SUPT3H: variants seen among roughly 807,000 people sequenced by gnomAD.
The protein encoded by SUPT3H is transcription initiation protein SPT3 homolog.
Under a neutral mutation model 44.3 loss-of-function variants are expected in SUPT3H, and 44 were observed. The observed-to-expected ratio is 0.99, with a 90% CI of 0.78 to 1.28. The LOEUF is 1.28. Ranked by LOEUF, SUPT3H falls within the 50% of genes most tolerant of loss-of-function variation. SUPT3H has a pLI of 0.00. For synonymous variants in SUPT3H, 124 were observed against 125.6 expected, an observed-to-expected ratio of 0.99 and a Z score of 0.09; for missense variants, 380 against 387.1, an observed-to-expected ratio of 0.98 and a Z score of 0.15.
intron 7 of SUPT3H, among the ~76,000 whole-genome samples, chr6:44,960,572 CCTTT>C (rs1775887086): frequency 6.6e-6 from 1 of 151,906 alleles, no homozygotes; most frequent in South Asian, 2.1e-4. Context: ...TATGTCTGTT[CCTTT>C]AAGTGAATTA....
At chr6:45,047,826 G>A (rs1414074692) in intron 3 of SUPT3H, among the ~76,000 whole-genome samples, 1 of 151,820 alleles carries the variant, frequency 6.6e-6, no homozygotes, top group Non-Finnish European at 1.5e-5. Flanking sequence ...GTTTTAATTT[G>A]CATTTCTCTG....
At chr6:45,362,843 GT>G (rs141246778) in intron 2 of SUPT3H, among the ~76,000 whole-genome samples, 3 of 151,800 alleles carry the variant, frequency 2.0e-5, no homozygotes, top group Admixed American at 2.0e-4. Flanking sequence ...TTTTTTCTCA[GT>G]TTTTTTAAAA....
intron 3 of SUPT3H, among the ~76,000 whole-genome samples, chr6:45,027,369 G>A (rs1415907411): frequency 2.0e-5 from 3 of 151,980 alleles, no homozygotes; most frequent in Non-Finnish European, 4.4e-5. Flanking sequence ...TTTCAGCAAA[G>A]CATATTATCT....
chr6:45,317,227 C>CAAAAAAAAAA (rs70996324), intron 2 of SUPT3H, among the ~76,000 whole-genome samples: 1 of 36,084 alleles, frequency 2.8e-5, no homozygotes, highest in Non-Finnish European at 4.8e-5. Context: ...GACTCTGTCT[C>CAAAAAAAAAA]AAAAAAAAAA....
At chr6:44,995,368 T>C (rs1781136898) in intron 6 of SUPT3H, among the ~76,000 whole-genome samples, 1 of 152,048 alleles carries the variant, frequency 6.6e-6, no homozygotes, top group Admixed American at 6.6e-5. Flanking sequence ...TAAAGATCTA[T>C]TTTATTCCCT....
At chr6:44,860,263 C>T (rs1183625230) in intron 10 of SUPT3H, among the ~76,000 whole-genome samples, 18 of 152,156 alleles carry the variant, frequency 1.2e-4, no homozygotes, top group Non-Finnish European at 2.6e-4. Flanking sequence ...TGAGTAAATG[C>T]CCACTTTTGC....
intron 6 of SUPT3H, among the ~76,000 whole-genome samples, chr6:45,002,019 T>C (rs1782073600): frequency 6.6e-6 from 1 of 152,104 alleles, no homozygotes; most frequent in South Asian, 2.1e-4. Flanking sequence ...TCTGTTATGT[T>C]GGCCAGAGAA....
intron 5 of SUPT3H, among the ~76,000 whole-genome samples, chr6:45,011,472 T>C (rs1783478084): frequency 6.6e-6 from 1 of 152,112 alleles, no homozygotes; most frequent in Non-Finnish European, 1.5e-5. Context: ...TTGCCACTTC[T>C]GGTTCTTTTC....
intron 4 of SUPT3H, among the ~76,000 whole-genome samples, chr6:45,018,323 T>C (rs1051152979): frequency 6.6e-6 from 1 of 151,866 alleles, no homozygotes; most frequent in Admixed American, 6.6e-5. Flanking sequence ...CTTTTCCTAA[T>C]TGAATACCCT....
intron 10 of SUPT3H, among the ~76,000 whole-genome samples, chr6:44,838,074 T>C (rs574094497): frequency 6.6e-6 from 1 of 152,248 alleles, no homozygotes; most frequent in Non-Finnish European, 1.5e-5. Flanking sequence ...ATTAAGGTCT[T>C]TAAGAATTCT....
chr6:45,188,087 C>T (rs961637857), intron 2 of SUPT3H, among the ~76,000 whole-genome samples: 3 of 152,238 alleles, frequency 2.0e-5, no homozygotes, highest in Admixed American at 6.5e-5. Context: ...AGTCACTTTG[C>T]TGCCTTCTAA....
At chr6:44,962,795 A>G (rs1776217463) in intron 6 of SUPT3H, among the ~76,000 whole-genome samples, 1 of 152,108 alleles carries the variant, frequency 6.6e-6, no homozygotes, top group Admixed American at 6.5e-5. Context: ...TTAATAGAGA[A>G]TATAGATGGG....
chr6:45,018,936 T>C (rs1457170478), intron 4 of SUPT3H, among the ~76,000 whole-genome samples: 2 of 152,170 alleles, frequency 1.3e-5, no homozygotes, highest in African/African-American at 4.8e-5. Flanking sequence ...CAGTTCCTCC[T>C]TGTACCTCTG....
intron 5 of SUPT3H, among the ~76,000 whole-genome samples, chr6:45,005,584 A>G (rs965068505): frequency 2.6e-5 from 4 of 151,400 alleles, no homozygotes; most frequent in African/African-American, 9.7e-5. Flanking sequence ...TACTATAATC[A>G]CAGCTACTCG....
chr6:45,014,403 T>G (rs191419560), intron 5 of SUPT3H, among the ~76,000 whole-genome samples: 1 of 152,190 alleles, frequency 6.6e-6, no homozygotes, highest in East Asian at 1.9e-4. Context: ...TCCTAAGCAC[T>G]CCACGTGTTA....
At chr6:44,954,654 G>A (rs1234395107) in intron 7 of SUPT3H, 47 bp from the exon 8 acceptor site, 1 of 1,079,124 alleles carries the variant, frequency 9.3e-7, no homozygotes, top group East Asian at 2.4e-5. Context: ...TTTTTAAAGT[G>A]TTTTAATACT....
chr6:45,358,926 G>A (rs2150236633), intron 2 of SUPT3H, among the ~76,000 whole-genome samples: 1 of 152,162 alleles, frequency 6.6e-6, no homozygotes, highest in Admixed American at 6.5e-5. Context: ...GTGATAATCA[G>A]CAATTATACT....
intron 2 of SUPT3H, among the ~76,000 whole-genome samples, chr6:45,212,480 TA>T (rs1764264803): frequency 6.3e-5 from 1 of 15,894 alleles, no homozygotes; most frequent in Admixed American, 5.2e-4. Flanking sequence ...CCACCTCCAC[TA>T]TGTGTGTGTG....
intron 10 of SUPT3H, among the ~76,000 whole-genome samples, chr6:44,883,207 T>C (rs1456093161): frequency 1.3e-5 from 2 of 152,174 alleles, no homozygotes; most frequent in East Asian, 3.8e-4. Context: ...GCAAAATCAA[T>C]GTGCAAAAAT....
Sources: allele counts gnomAD v4.1 joint callset (sites outside exome capture counted in the v4.1 genomes callset), GRCh38; gene constraint gnomAD v4.1.1; transcripts MANE v1.5; gene names NCBI Gene and HGNC (gene_info 2026-07-23, HGNC 2026-07-21).